Variants in SEC14L1 observed in about 807,000 individuals in gnomAD.
SEC14L1 encodes the protein SEC14 like lipid binding 1.
Under a neutral mutation model 85.3 loss-of-function variants are expected in SEC14L1, and 48 were observed. The ratio of observed to expected loss-of-function variants is 0.56; its 90% CI spans 0.45 to 0.72. SEC14L1 has a LOEUF of 0.72. SEC14L1 is among the 30% of genes least tolerant of loss of function. The pLI is 0.00. For missense variants in SEC14L1, 682 were observed against 921.4 expected (o/e 0.74, Z 3.36); for synonymous variants, 391 against 355.5 (o/e 1.10, Z -1.12).
chr17:77,110,456 A>G (rs977626878), intron 3 of SEC14L1, among the ~76,000 whole-genome samples: 4 of 152,192 alleles, frequency 2.6e-5, no homozygotes, highest in African/African-American at 9.7e-5. Flanking sequence ...TTCTGAGCCA[A>G]ATATGAGTGA....
intron 10 of SEC14L1, among the ~76,000 whole-genome samples, chr17:77,204,532 T>C (rs1396364288): frequency 4.7e-5 from 7 of 148,558 alleles, no homozygotes; most frequent in Non-Finnish European, 8.9e-5. Context: ...CTTTTTTTTT[T>C]TTTTTTTTTT....
intron 3 of SEC14L1, among the ~76,000 whole-genome samples, chr17:77,107,653 C>T (rs1971944968): frequency 6.6e-6 from 1 of 152,148 alleles, no homozygotes. Flanking sequence ...AAACCGCAAC[C>T]TCCTCACACA....
chr17:77,206,212 C>T lies in SEC14L1; in HGVS notation c.1170-17C>T. 1 of 1,610,878 alleles carries T rather than the reference C, an allele frequency of 6.2e-7. No individual in the cohort carries two copies. The highest frequency in any genetic ancestry group is 8.5e-7 in the Non-Finnish European group (1 of 1,177,432). The stretch of plus-strand genomic sequence containing the variant: ...GTGCTGTCTGTTGAATGAAACACAT[C>T]TCTGCACAACCTGCAGCTCATGGAC... On this transcript the variant is annotated splice_polypyrimidine_tract_variant and intron_variant, in intron 11 of 16. Transcript: ENST00000436233. This position sits in a 1 kb window ranked among gnomAD's most constrained non-coding sequence, Gnocchi z 4.3.
In SEC14L1 at chr17:77,172,971, A is replaced by C. The variant is rs540813992; in HGVS notation, c.64-17832A>C. ...TGACCTGGGGGATGCTCACGTTCCCAAATTGTCATAGCAGCCCTGCGAATC... is the reference window on the plus strand; with the variant it reads ...TGACCTGGGGGATGCTCACGTTCCCCAATTGTCATAGCAGCCCTGCGAATC... On this transcript the variant is annotated intron_variant, in intron 3 of 16. Coordinates refer to ENST00000436233, the MANE Select transcript of SEC14L1 (RefSeq NM_001143998.2). Among the ~76,000 whole-genome samples the C allele has an allele frequency of 3.9e-5, 6 of 152,318 alleles. No homozygotes were observed. The South Asian group carries it at 1.2e-3, about 32-fold the overall frequency.
chr17:77,190,689 G>A (rs1975482369), intron 3 of SEC14L1, 114 bp from the exon 4 acceptor site: 1 of 1,000,060 alleles, frequency 1.0e-6, no homozygotes, highest in Non-Finnish European at 1.5e-6. Context: ...GACAGTTGTG[G>A]CGCTGCCTGT....
chr17:77,182,824 C>G (rs779678673), intron 3 of SEC14L1, among the ~76,000 whole-genome samples: 13 of 152,220 alleles, frequency 8.5e-5, no homozygotes, highest in Non-Finnish European at 1.6e-4. Flanking sequence ...GATGTGGGCT[C>G]TGTGGCTCAA....
At chr17:77,209,651 A>C (rs1976648715) in intron 14 of SEC14L1, among the ~76,000 whole-genome samples, 175 bp downstream of exon 14, 1 of 152,240 alleles carries the variant, frequency 6.6e-6, no homozygotes, top group African/African-American at 2.4e-5. Flanking sequence ...ACGTCGAAGA[A>C]TGGGTCTCTC....
intron 3 of SEC14L1, among the ~76,000 whole-genome samples, chr17:77,124,456 C>T (rs2143415628): frequency 6.6e-6 from 1 of 152,264 alleles, no homozygotes; most frequent in Admixed American, 6.5e-5. Flanking sequence ...CCCACAAGCC[C>T]CACACTTCCT....
intron 3 of SEC14L1, among the ~76,000 whole-genome samples, chr17:77,120,518 C>T (rs1398733016): frequency 6.6e-6 from 1 of 152,068 alleles, no homozygotes; most frequent in Admixed American, 6.6e-5. Flanking sequence ...GCTCTGTCGC[C>T]CAGGCTGGAG....
intron 5 of SEC14L1, among the ~76,000 whole-genome samples, chr17:77,192,369 T>C (rs1204409646): frequency 6.6e-6 from 1 of 152,190 alleles, no homozygotes; most frequent in Non-Finnish European, 1.5e-5. Flanking sequence ...TCAGATTAAG[T>C]CACTTCTATG....
At chr17:77,124,950 A>G (rs1226490946) in intron 3 of SEC14L1, among the ~76,000 whole-genome samples, 1 of 150,828 alleles carries the variant, frequency 6.6e-6, no homozygotes, top group Admixed American at 6.7e-5. Context: ...CTTGGCTGCT[A>G]GAACATAAGA....
chr17:77,129,291 T>C (rs755955547), intron 3 of SEC14L1, among the ~76,000 whole-genome samples: 3 of 152,066 alleles, frequency 2.0e-5, no homozygotes, highest in Non-Finnish European at 2.9e-5. Context: ...CCAATTAGTA[T>C]TTTTGTTTTT....
chr17:77,193,528 A>G lies in SEC14L1; in HGVS notation c.453A>G (p.Gln151=), dbSNP rs909655469. The G allele has an allele frequency of 6.2e-7, 1 of 1,611,494 alleles. No homozygotes were observed. The highest frequency in any genetic ancestry group is 1.3e-5 in the African/African-American group (1 of 74,900). ...CAGTGGAAAAAATTGCAATGAAACA[A>G]TATACCAGCAACATTAAAAAAGTGA... is the stretch of plus-strand genomic sequence containing the variant. The part of the protein sequence containing the change: ...ESTVEKIAMK[Q]YTSNIKKGKE... The change falls in exon 6 of 17, where the codon CAA becomes CAG. Residue 151 remains glutamine, a synonymous_variant. Coordinates refer to ENST00000436233, the MANE Select transcript of SEC14L1 (RefSeq NM_001143998.2).
chr17:77,171,348 T>C (rs920763599), intron 3 of SEC14L1, among the ~76,000 whole-genome samples: 1 of 152,164 alleles, frequency 6.6e-6, no homozygotes, highest in Non-Finnish European at 1.5e-5. Context: ...ATTTAACTTT[T>C]CTTGTTTGTT....
At chr17:77,164,449 G>A (rs573043871) in intron 3 of SEC14L1, among the ~76,000 whole-genome samples, 10 of 152,226 alleles carry the variant, frequency 6.6e-5, no homozygotes, top group African/African-American at 1.9e-4. Flanking sequence ...GGTGTGATCC[G>A]TCTCCCTGCT....
intron 3 of SEC14L1, among the ~76,000 whole-genome samples, chr17:77,175,015 AAG>A (rs770167006): frequency 4.6e-5 from 7 of 152,188 alleles, no homozygotes; most frequent in Non-Finnish European, 1.0e-4. Flanking sequence ...TTGTAAGAGA[AAG>A]AGGGGATAGG....
intron 3 of SEC14L1, chr17:77,099,335 C>T (rs1971715196): frequency 6.6e-6 from 1 of 152,184 alleles, no homozygotes; most frequent in South Asian, 2.1e-4. Flanking sequence ...TGGCTGGCCC[C>T]ATTGAGTAGA....
At chr17:77,137,016 TCTC>T (rs1972820122), upstream of SEC14L1, among the ~76,000 whole-genome samples, 1 of 152,056 alleles carries the variant, frequency 6.6e-6, no homozygotes, top group South Asian at 2.1e-4. Flanking sequence ...TTCAAGCAAT[TCTC>T]CTGCCTCAGC....
rs1976845398 is a variant in SEC14L1, at chr17:77,213,050, G to T, written c.1864-264G>T. ...AGGCTCCTGCCTCCGTAGGTGGGGT[G>T]GGCTGGGCAGGCCTCGTGAGGGCCA... On this transcript the variant is annotated intron_variant, in intron 15 of 16. Coordinates refer to ENST00000436233, the MANE Select transcript of SEC14L1 (RefSeq NM_001143998.2). The surrounding 1 kb of genome is among the most constrained non-coding windows in gnomAD (Gnocchi z 7.1). Among the ~76,000 whole-genome samples, 1 of 152,218 alleles carries T rather than the reference G, an allele frequency of 6.6e-6. No individual in the cohort carries two copies.
Sources: gnomAD v4.1 joint callset for allele counts (sites outside exome capture counted in the v4.1 genomes callset) on GRCh38, gnomAD v4.1.1 for gene constraint, Gnocchi (gnomAD v3.1) non-coding constraint, MANE v1.5 for transcripts, NCBI Gene and HGNC (gene_info 2026-07-23, HGNC 2026-07-21) for gene names.